Variants in ATXN2 observed in about 807,000 individuals in gnomAD.
The protein encoded by ATXN2 is ataxin 2.
Under a neutral mutation model 138.6 loss-of-function variants are expected in ATXN2, and 37 were observed. That is an observed-to-expected ratio of 0.27 (90% CI 0.21 to 0.35). The LOEUF is 0.35. ATXN2 is among the 10% of genes least tolerant of loss of function. The pLI is 1.00. For missense variants in ATXN2, 1,216 were observed against 1,480.3 expected (o/e 0.82, Z 2.93); for synonymous variants, 549 against 543.7 (o/e 1.01, Z -0.13).
chr12:111,545,229 A>G (rs1881740916), intron 5 of ATXN2, among the ~76,000 whole-genome samples: 1 of 152,122 alleles, frequency 6.6e-6, no homozygotes, highest in Non-Finnish European at 1.5e-5. Context: ...TTTTCATGCT[A>G]AAGGGAAAGA....
At chr12:111,459,969 G>A (rs373430252) in intron 21 of ATXN2, among the ~76,000 whole-genome samples, 8 of 152,236 alleles carry the variant, frequency 5.3e-5, no homozygotes, top group Middle Eastern at 3.4e-3. Context: ...CGTCCATCTC[G>A]GCCTCCCAAA....
chr12:111,467,685 T>A lies in ATXN2; in HGVS notation c.2842+2423A>T, dbSNP rs574223087. Among the ~76,000 whole-genome samples, 5 of 152,278 alleles carry A rather than the reference T, an allele frequency of 3.3e-5. No homozygotes were observed. In the East Asian group the frequency reaches 9.6e-4, roughly 29 times the overall value. On this transcript the variant is annotated intron_variant, in intron 20 of 24. Transcript: ENST00000673436. ...ATTCCAGATTTCACTGGACATTAGA[T>A]CTAGTGCTTTGTTTTGTTTGCAACA...
At chr12:111,580,160 C>T (rs1592924154) in intron 1 of ATXN2, among the ~76,000 whole-genome samples, 2 of 151,678 alleles carry the variant, frequency 1.3e-5, no homozygotes, top group Non-Finnish European at 2.9e-5. Flanking sequence ...ACAGAAAGTT[C>T]GGTGTGGTTA....
intron 1 of ATXN2, among the ~76,000 whole-genome samples, chr12:111,577,808 A>G (rs1250349054): frequency 6.6e-6 from 1 of 152,092 alleles, no homozygotes; most frequent in African/African-American, 2.4e-5. Context: ...ACGGCTAGGC[A>G]TGATGGCGTG....
intron 1 of ATXN2, among the ~76,000 whole-genome samples, chr12:111,580,001 G>A (rs1055448723): frequency 6.6e-6 from 1 of 151,986 alleles, no homozygotes; most frequent in Non-Finnish European, 1.5e-5. Flanking sequence ...GGCCCAGCCA[G>A]AGATAAGGTC....
chr12:111,567,181 T>C (rs1883058926), intron 1 of ATXN2, among the ~76,000 whole-genome samples: 1 of 152,192 alleles, frequency 6.6e-6, no homozygotes, highest in Non-Finnish European at 1.5e-5. Context: ...GTGAGCACTG[T>C]TGAAATGACA....
Position 111,598,752 on chromosome 12 carries a change from G to T in ATXN2, c.251+32C>A. Reference sequence around the variant, plus strand: ...CCGCGGGGGAGGGGACGCCGGGCCCGGAGCGGAGGGGGCTGGGGTGCCGAC... The same window carrying T: ...CCGCGGGGGAGGGGACGCCGGGCCCTGAGCGGAGGGGGCTGGGGTGCCGAC... On this transcript the variant is annotated intron_variant, in intron 1 of 24. Transcript: ENST00000673436. The surrounding 1 kb of genome is among the most constrained non-coding windows in gnomAD (Gnocchi z 4.5). The T allele has an allele frequency of 8.5e-7, 1 of 1,180,342 alleles. No homozygotes were observed. The highest frequency in any genetic ancestry group is 4.0e-5 in the South Asian group (1 of 24,794). The allele number at this position is 1,180,342 out of a possible 1,614,324, so 73.1% of individuals were successfully genotyped here.
At chr12:111,492,465 C>T (rs748348009) in intron 14 of ATXN2, among the ~76,000 whole-genome samples, 2 of 152,118 alleles carry the variant, frequency 1.3e-5, no homozygotes, top group Admixed American at 1.3e-4. Flanking sequence ...GGACAGATCA[C>T]GAGGTTAGGA....
chr12:111,456,138 T>C lies in ATXN2; in HGVS notation c.3161A>G (p.Gln1054Arg). 12 of 1,614,226 alleles carry C rather than the reference T, an allele frequency of 7.4e-6. No homozygotes were observed. Among genetic ancestry groups the C allele is most frequent in the Non-Finnish European group, 1.0e-5 (12 of 1,180,042 alleles). The change falls in exon 23 of 25, where the codon CAG (glutamine) becomes CGG (arginine). Residue 1054 changes from glutamine (Q) to arginine (R), a missense_variant. Transcript: ENST00000673436. The part of the protein sequence containing the change: ...PPSMTPASNT[Q>R]SPQNSFPAAQ... ...TGCTGGGAAACTATTCTGTGGCGACTGCGTGTTGGAGGCAGGTGTCATGGA... is the reference window on the plus strand; with the variant it reads ...TGCTGGGAAACTATTCTGTGGCGACCGCGTGTTGGAGGCAGGTGTCATGGA...
chr12:111,509,931 G>A lies in ATXN2; in HGVS notation c.1824C>T (p.Pro608=), dbSNP rs762651527. The change falls in exon 13 of 25, where the codon CCC becomes CCT. Residue 608 remains proline (P), a synonymous_variant. Transcript: ENST00000673436. ...SPAGNKENIK[P]NETSPSFSKA... ...TTGAGAAGCTAGGTGATGTTTCATT[G>A]GGTTTAATATTTTCTTTATTCCCTG... 1.2e-6 allele frequency: 2 copies of A among 1,612,990 alleles called. No homozygotes were observed. Among genetic ancestry groups the A allele is most frequent in the South Asian group, 2.2e-5 (2 of 90,910 alleles).
rs200884970 is a variant in ATXN2 at position 111,453,652 on chromosome 12, C to A, written c.3439+25G>T. On this transcript the variant is annotated intron_variant, in intron 24 of 24. Coordinates refer to ENST00000673436, the MANE Select transcript of ATXN2 (RefSeq NM_001372574.1). The surrounding 1 kb of genome is among the most constrained non-coding windows in gnomAD (Gnocchi z 5.4). ...AGCAGAATGCTTTGGGGTGCCCCGG[C>A]GGCCCCTGCACACACACGCCTCACC... 80 of 1,528,662 alleles carry A rather than the reference C, an allele frequency of 5.2e-5. 2 individuals carry two copies. The Admixed American group carries it at 1.4e-3, about 26-fold the overall frequency. 94.7% of individuals were successfully genotyped at this position (1,528,662 alleles called of 1,614,324 possible).
In ATXN2 at chr12:111,516,492, T is replaced by C. The variant is rs1879862606; in HGVS notation, c.1166-129A>G. ...CATTTTAACCCTTTGAGGACAGTCA[T>C]TTGATTTGTGATAAGTTTTAGCATA... On this transcript the variant is annotated intron_variant, in intron 9 of 24. Transcript: ENST00000673436. This position sits in a 1 kb window ranked among gnomAD's most constrained non-coding sequence, Gnocchi z 5.0. 3 of 886,098 alleles carry C rather than the reference T, an allele frequency of 3.4e-6. No individual in the cohort carries two copies. Among genetic ancestry groups the C allele is most frequent in the African/African-American group, 1.7e-5 (1 of 57,974 alleles). 54.9% of individuals were successfully genotyped at this position (886,098 alleles called of 1,614,324 possible).
chr12:111,513,468 T>C lies in ATXN2; in HGVS notation c.1447A>G (p.Ile483Val). Residue 483 changes from isoleucine (I) to valine (V), a missense_variant, in exon 11 of 25, where the codon ATA becomes GTA. Ile to Val is a conservative substitution (Grantham distance 29, BLOSUM62 3). Transcript: ENST00000673436. ...GATACAAATTCTAGGCCACTGGATA[T>C]GGAACCCCTCCCAGCAGAAACTCTG... ...NHRVSAGRGS[I>V]SSGLEFVSHN... 6.2e-7 allele frequency: 1 copy of C among 1,614,070 alleles called. No homozygotes were observed. Among genetic ancestry groups the C allele is most frequent in the Non-Finnish European group, 8.5e-7 (1 of 1,180,004 alleles).
chr12:111,452,994 G>GGGGAGC, intron 24 of ATXN2, 154 bp from the exon 25 acceptor site: 1 of 1,284,220 alleles, frequency 7.8e-7, no homozygotes, highest in Non-Finnish European at 9.9e-7. Context: ...GCACCAAAGT[G>GGGGAGC]GGGAGGGTTG....
Position 111,470,090 on chromosome 12 carries a change from A to C in ATXN2, c.2842+18T>G, listed in dbSNP as rs752539748. On this transcript the variant is annotated intron_variant, in intron 20 of 24. Transcript: ENST00000673436. ...AAGAGTCACACACACTGGAAGAGAC[A>C]AACAAAGTGCTTCCTACCATACATC... The C allele has an allele frequency of 6.2e-7, 1 of 1,611,576 alleles. No individual in the cohort carries two copies. The highest frequency in any genetic ancestry group is 1.7e-5 in the Admixed American group (1 of 59,718).
intron 1 of ATXN2, among the ~76,000 whole-genome samples, chr12:111,587,539 C>A (rs1884406419): frequency 6.6e-6 from 1 of 151,954 alleles, no homozygotes. Context: ...ACCTGTAGTT[C>A]CAGCTACTCG....
Position 111,457,130 on chromosome 12 carries a change from C to T in ATXN2, c.3042+84G>A, listed in dbSNP as rs542234790. 67 of 1,489,478 alleles carry T rather than the reference C, an allele frequency of 4.5e-5. No individual in the cohort carries two copies. In the East Asian group the frequency reaches 9.1e-4, roughly 20 times the overall value. 92.3% of individuals were successfully genotyped at this position (1,489,478 alleles called of 1,614,324 possible). On this transcript the variant is annotated intron_variant, in intron 22 of 24. Transcript: ENST00000673436. ...AGGGTGGACATGCCATGTGTTCTGA[C>T]GATGCGATACCTGGCACCTGAAGAA...
At position 111,554,213 on chromosome 12, in the gene ATXN2, G is replaced by T; in HGVS notation, c.293C>A (p.Ser98Tyr). 2 of 1,357,582 alleles carry T rather than the reference G, an allele frequency of 1.5e-6. No individual in the cohort carries two copies. Among genetic ancestry groups the T allele is most frequent in the South Asian group, 1.6e-5 (1 of 63,322 alleles). The allele number at this position is 1,357,582 out of a possible 1,614,324, so 84.1% of individuals were successfully genotyped here. The change falls in exon 3 of 25, where the codon TCT (serine) becomes TAT (tyrosine). Residue 98 changes from serine (S) to tyrosine (Y), a missense_variant. This residue lies in a region of ATXN2 where 401 missense variants were observed against 528.1 expected (regional missense o/e 0.76). Transcript: ENST00000673436. The part of the protein sequence containing the change: ...SNKGLPQSTI[S>Y]FDGIYANMRM... ...CATATTTGCATAGATTCCATCAAAAGAAATCTGGAATATTAAAAAAAAAAA... is the reference window on the plus strand; with the variant it reads ...CATATTTGCATAGATTCCATCAAAATAAATCTGGAATATTAAAAAAAAAAA...
At chr12:111,497,923 G>A (rs1878528110) in intron 14 of ATXN2, among the ~76,000 whole-genome samples, 1 of 152,098 alleles carries the variant, frequency 6.6e-6, no homozygotes, top group South Asian at 2.1e-4. Flanking sequence ...GGCTGAGGCA[G>A]GAGAACGGCA....
Sources: allele counts gnomAD v4.1 joint callset (sites outside exome capture counted in the v4.1 genomes callset), GRCh38; gene constraint gnomAD v4.1.1; regional missense constraint gnomAD v4.1.1; non-coding constraint Gnocchi (gnomAD v3.1); transcripts MANE v1.5; gene names NCBI Gene and HGNC (gene_info 2026-07-23, HGNC 2026-07-21).